MYO9B: variants seen among roughly 807,000 people sequenced by gnomAD.
The protein encoded by MYO9B is unconventional myosin-IXb.
Under a neutral mutation model 229.5 loss-of-function variants are expected in MYO9B, and 71 were observed. That is an observed-to-expected ratio of 0.31 (90% confidence interval 0.26 to 0.38). The LOEUF (loss-of-function observed/expected upper bound fraction) is 0.38. MYO9B is among the 10% of genes least tolerant of loss of function. The pLI is 1.00. For synonymous variants in MYO9B, 1,185 were observed against 1,235.8 expected (o/e 0.96, Z 0.86); for missense variants, 2,255 against 2,920.5 (o/e 0.77, Z 5.25).
intron 2 of MYO9B, among the ~76,000 whole-genome samples, chr19:17,140,222 C>G (rs1238277402): frequency 5.9e-5 from 9 of 152,100 alleles, no homozygotes; most frequent in Admixed American, 5.9e-4. Context: ...CCATGTAGAC[C>G]AGGTGGCTGA....
intron 2 of MYO9B, among the ~76,000 whole-genome samples, chr19:17,127,800 C>T (rs1360982571): frequency 6.6e-6 from 1 of 152,228 alleles, no homozygotes; most frequent in Admixed American, 6.5e-5. Context: ...TTTCCTGCCA[C>T]ATTGGCAGAG....
Position 17,197,771 on chromosome 19 carries a change from C to T in MYO9B, c.4047-21C>T, listed in dbSNP as rs192781483. The T allele has an allele frequency of 1.2e-5, 19 of 1,613,690 alleles. No individual in the cohort carries two copies. The Admixed American group carries it at 3.2e-4, about 27-fold the overall frequency. ...CTGACTCACTCTAGTCAGTAAAAGC[C>T]ATGTTTCTGTGATCTCGCAGGGAGA... On this transcript the variant is annotated intron_variant, in intron 22 of 39. Transcript: ENST00000682292.
intron 35 of MYO9B, 40 bp from the exon 36 acceptor site, chr19:17,209,546 C>T (rs2073202010): frequency 1.3e-6 from 2 of 1,554,342 alleles, no homozygotes; most frequent in Non-Finnish European, 1.7e-6. Context: ...GTCCCCGGGG[C>T]GGTAACTGAG....
At chr19:17,173,500 C>T (rs12982339) in intron 13 of MYO9B, among the ~76,000 whole-genome samples, 11,972 of 151,926 alleles carry the variant, frequency 0.079, 512 homozygotes, top group Non-Finnish European at 0.087. Flanking sequence ...GACGGGGTTT[C>T]GCCCTGTTGG....
chr19:17,136,743 C>T (rs1005596301), intron 2 of MYO9B, among the ~76,000 whole-genome samples: 6 of 152,052 alleles, frequency 3.9e-5, no homozygotes, highest in Non-Finnish European at 5.9e-5. Flanking sequence ...TGGTGGTTCC[C>T]GCCCACCGAC....
At chr19:17,096,417 A>T (rs1303219572) in intron 1 of MYO9B, among the ~76,000 whole-genome samples, 3 of 152,102 alleles carry the variant, frequency 2.0e-5, no homozygotes. Flanking sequence ...CTGTAATCCC[A>T]GGACTTTGGG....
At chr19:17,185,134 G>C (rs561910480) in intron 17 of MYO9B, 147 bp downstream of exon 17, 1 of 1,160,476 alleles carries the variant, frequency 8.6e-7, no homozygotes, top group African/African-American at 1.5e-5. Context: ...CCAGCACTTT[G>C]GGAGGCCGAG....
Position 17,161,987 on chromosome 19 carries a change from C to CAAA in MYO9B, c.1420-346_1420-344dup, listed in dbSNP as rs71180369. ...TGGATAACAGAGTGAGACCCTGTGT[C>CAAA]AAAAAAAAAAAAAAAAAAAGTACAA... On this transcript the variant is annotated intron_variant, in intron 8 of 39. Coordinates refer to ENST00000682292, the MANE Select transcript of MYO9B (RefSeq NM_004145.4). Among the ~76,000 whole-genome samples, 169 of 110,196 alleles carry CAAA rather than the reference C, an allele frequency of 1.5e-3. 2 individuals are homozygous for CAAA. The highest frequency in any genetic ancestry group is 4.1e-3 in the East Asian group (15 of 3,630). 72.3% of individuals were successfully genotyped at this position (110,196 alleles called of 152,430 possible).
chr19:17,153,789 G>C (rs1046554768), intron 4 of MYO9B, among the ~76,000 whole-genome samples, 178 bp from the exon 5 acceptor site: 1 of 151,752 alleles, frequency 6.6e-6, no homozygotes, highest in African/African-American at 2.4e-5. Context: ...AAATCTACTC[G>C]CTCACGACAC....
chr19:17,184,715 A>T, intron 16 of MYO9B, 150 bp from the exon 17 acceptor site: 1 of 937,426 alleles, frequency 1.1e-6, no homozygotes, highest in Non-Finnish European at 1.6e-6. Flanking sequence ...CCACATCAAT[A>T]GTGTGGTCCT....
chr19:17,142,322 G>A (rs998367835), intron 2 of MYO9B, among the ~76,000 whole-genome samples: 1 of 152,116 alleles, frequency 6.6e-6, no homozygotes, highest in Non-Finnish European at 1.5e-5. Flanking sequence ...AATGGGGAGG[G>A]ACTGCTGATG....
rs1568295971 is a variant in MYO9B at position 17,194,235 on chromosome 19, G to A, written c.3129-321G>A. 3.3e-5 allele frequency among the ~76,000 whole-genome samples: 5 copies of A among 152,000 alleles called. No individual in the cohort carries two copies. In the South Asian group the frequency reaches 1.0e-3, roughly 32 times the overall value. ...AAAAGCCTCCTAGAAAAAGACCCAA[G>A]GGAAAGCCCACAGTGGACCCCAAAG... On this transcript the variant is annotated intron_variant, in intron 21 of 39. Transcript: ENST00000682292.
rs754328459 is a variant in MYO9B, at chr19:17,180,978, C to A, written c.2271C>A (p.Gly757=). ...IKSIKGLPWQ[G]EDPRSLLQSL... is the part of the protein sequence containing the mutation. ...GCATCAAAGGATTGCCCTGGCAGGGCGAGGACCCCCGTAGCCTTCTCCAGT... is the reference window on the plus strand; with the variant it reads ...GCATCAAAGGATTGCCCTGGCAGGGAGAGGACCCCCGTAGCCTTCTCCAGT... The change falls in exon 15 of 40, where the codon GGC becomes GGA. Residue 757 remains glycine (G), a synonymous_variant. Transcript: ENST00000682292. The A allele has an allele frequency of 4.5e-5, 73 of 1,611,182 alleles. No individual in the cohort carries two copies. In the East Asian group the frequency reaches 1.6e-3, roughly 36 times the overall value.
rs748222855 is a variant in MYO9B at position 17,194,536 on chromosome 19, C to T, written c.3129-20C>T. On this transcript the variant is annotated intron_variant, in intron 21 of 39. Transcript: ENST00000682292. ...GAGTGTTTGTTTCTGAACCAGCTGT[C>T]TGCTTTTTCCTCACTCCAGCTTCAG... 6.2e-7 allele frequency: 1 copy of T among 1,609,432 alleles called. No individual in the cohort carries two copies. Among genetic ancestry groups the T allele is most frequent in the Admixed American group, 1.7e-5 (1 of 59,366 alleles).
intron 1 of MYO9B, among the ~76,000 whole-genome samples, chr19:17,098,667 C>T (rs2057715418): frequency 6.6e-6 from 1 of 152,162 alleles, no homozygotes; most frequent in Non-Finnish European, 1.5e-5. Context: ...AGTCACTCAT[C>T]CCTATAATCT....
Position 17,203,197 on chromosome 19 carries a change from G to A in MYO9B, c.4929G>A (p.Pro1643=), listed in dbSNP as rs370824816. The change falls in exon 30 of 40, where the codon CCG becomes CCA. Residue 1643 remains proline, a synonymous_variant. Transcript: ENST00000682292. ...TCGCCAGCTACCAGGTTAGCATCCC[G>A]CAGTCGTGCGAGCAGTGCCTCTCCT... ...HVFASYQVSI[P]QSCEQCLSYI... 14 of 1,577,090 alleles carry A rather than the reference G, an allele frequency of 8.9e-6. No individual in the cohort carries two copies. The highest frequency in any genetic ancestry group is 4.1e-5 in the African/African-American group (3 of 74,074).
chr19:17,135,402 T>C (rs10423232), intron 2 of MYO9B, among the ~76,000 whole-genome samples: 40,270 of 151,812 alleles, frequency 0.27, 6,422 homozygotes, highest in African/African-American at 0.45. Context: ...CGCATAGTTG[T>C]TGACACCGGG....
At chr19:17,174,881 CCA>C (rs1259157545) in intron 13 of MYO9B, among the ~76,000 whole-genome samples, 1 of 151,790 alleles carries the variant, frequency 6.6e-6, no homozygotes, top group Non-Finnish European at 1.5e-5. Flanking sequence ...TTGCAGTGAG[CCA>C]AGATCGCGCC....
At chr19:17,174,659 A>G (rs1478304760) in intron 13 of MYO9B, among the ~76,000 whole-genome samples, 1 of 151,718 alleles carries the variant, frequency 6.6e-6, no homozygotes, top group Admixed American at 6.6e-5. Flanking sequence ...AATAGGCCGG[A>G]CACGGTGGCT....
Sources: gnomAD v4.1 joint callset for allele counts (sites outside exome capture counted in the v4.1 genomes callset) on GRCh38, gnomAD v4.1.1 for gene constraint, MANE v1.5 for transcripts, NCBI Gene and HGNC (gene_info 2026-07-23, HGNC 2026-07-21) for gene names.